The following KCNAB1 variants were observed in gnomAD, a reference collection of about 807,000 sequenced individuals.
KCNAB1 encodes the protein voltage-gated potassium channel subunit beta-1.
In KCNAB1, 35 loss-of-function variants were observed where a neutral mutation model predicts 64.6. The ratio of observed to expected loss-of-function variants is 0.54; its 90% CI spans 0.41 to 0.72. The LOEUF (loss-of-function observed/expected upper bound fraction) is 0.72, where lower values mean the gene tolerates loss of function less well. KCNAB1 is among the 30% of genes least tolerant of loss of function. The probability of loss-of-function intolerance (pLI) is 0.00; values close to 1 mark genes in which losing one functional copy is unlikely to be tolerated. For synonymous variants in KCNAB1, 177 were observed against 183.8 expected (o/e 0.96, Z 0.30); for missense variants, 401 against 512.9 (o/e 0.78, Z 2.11).
intron 1 of KCNAB1, among the ~76,000 whole-genome samples, chr3:156,303,477 A>G (rs193063637): frequency 2.7e-4 from 41 of 152,316 alleles, no homozygotes; most frequent in African/African-American, 9.6e-4. Flanking sequence ...ACAATGCTTG[A>G]GTAAGATGGA....
intron 1 of KCNAB1, among the ~76,000 whole-genome samples, chr3:156,388,256 T>C (rs570749339): frequency 6.6e-6 from 1 of 152,188 alleles, no homozygotes. Flanking sequence ...AAAAATTTGC[T>C]TCTGAAATAG....
intron 1 of KCNAB1, among the ~76,000 whole-genome samples, chr3:156,174,309 C>G (rs1229455273): frequency 6.6e-6 from 1 of 152,084 alleles, no homozygotes; most frequent in Non-Finnish European, 1.5e-5. Flanking sequence ...GTGGTTTGTT[C>G]TTGGGTAGGA....
At chr3:156,342,107 A>T (rs1050484697) in intron 1 of KCNAB1, among the ~76,000 whole-genome samples, 2 of 152,174 alleles carry the variant, frequency 1.3e-5, no homozygotes, top group Non-Finnish European at 2.9e-5. Context: ...GGAATGCCTG[A>T]TGCCTTCAAT....
chr3:156,450,425 T>A (rs547935673), intron 2 of KCNAB1, among the ~76,000 whole-genome samples: 36 of 152,338 alleles, frequency 2.4e-4, no homozygotes, highest in African/African-American at 8.7e-4. Flanking sequence ...CAGTGTGCTA[T>A]TCTCTATATC....
chr3:156,403,109 C>A (rs987980356), intron 1 of KCNAB1, among the ~76,000 whole-genome samples: 2 of 152,188 alleles, frequency 1.3e-5, no homozygotes, highest in Non-Finnish European at 2.9e-5. Context: ...TAAAATATTT[C>A]ATTCAAAGCT....
chr3:156,312,280 A>T (rs1721961823), intron 1 of KCNAB1, among the ~76,000 whole-genome samples: 1 of 152,200 alleles, frequency 6.6e-6, no homozygotes, highest in Admixed American at 6.5e-5. Flanking sequence ...TTAAGACAGA[A>T]ATCAGGGCTA....
chr3:156,364,651 G>T (rs1388491203), intron 1 of KCNAB1, among the ~76,000 whole-genome samples: 1 of 152,110 alleles, frequency 6.6e-6, no homozygotes, highest in Non-Finnish European at 1.5e-5. Context: ...GGTGGTGCAT[G>T]CCTGTAATCC....
At chr3:156,532,625 T>C (rs1049233874) in intron 13 of KCNAB1, among the ~76,000 whole-genome samples, 1 of 152,194 alleles carries the variant, frequency 6.6e-6, no homozygotes, top group Non-Finnish European at 1.5e-5. Flanking sequence ...ATAAATGGTA[T>C]AGATCCCTGC....
intron 1 of KCNAB1, among the ~76,000 whole-genome samples, chr3:156,123,573 G>A (rs1272953784): frequency 6.6e-6 from 1 of 152,234 alleles, no homozygotes; most frequent in Non-Finnish European, 1.5e-5. Flanking sequence ...TTTGTGGTAA[G>A]TAGTTCTGAC....
chr3:156,402,738 G>A (rs952587397), intron 1 of KCNAB1, among the ~76,000 whole-genome samples: 1 of 152,152 alleles, frequency 6.6e-6, no homozygotes, highest in African/African-American at 2.4e-5. Context: ...TAATATATGA[G>A]ACCAGCTTGT....
At chr3:156,171,154 C>T (rs1408419917) in intron 1 of KCNAB1, among the ~76,000 whole-genome samples, 1 of 150,022 alleles carries the variant, frequency 6.7e-6, no homozygotes, top group Non-Finnish European at 1.5e-5. Flanking sequence ...TTTCTGTCAA[C>T]TCTGAGCACC....
intron 1 of KCNAB1, among the ~76,000 whole-genome samples, chr3:156,168,292 C>T (rs914583830): frequency 2.0e-5 from 3 of 151,894 alleles, no homozygotes; most frequent in East Asian, 1.9e-4. Flanking sequence ...TCTATCAAAC[C>T]GAAGATACTA....
chr3:156,344,204 T>C (rs1233349051), intron 1 of KCNAB1, among the ~76,000 whole-genome samples: 7 of 152,188 alleles, frequency 4.6e-5, no homozygotes, highest in Non-Finnish European at 1.0e-4. Flanking sequence ...AAGGATCTAT[T>C]AGGATTATAA....
At chr3:156,384,161 G>A (rs1028914727) in intron 1 of KCNAB1, among the ~76,000 whole-genome samples, 12 of 152,292 alleles carry the variant, frequency 7.9e-5, no homozygotes, top group Admixed American at 3.3e-4. Flanking sequence ...CTGCCCTTTT[G>A]CTAAAAATGG....
chr3:156,384,942 G>A (rs115675993), intron 1 of KCNAB1, among the ~76,000 whole-genome samples: 2,020 of 152,238 alleles, frequency 0.013, 17 homozygotes, highest in South Asian at 0.032. Flanking sequence ...TTCTACTTCA[G>A]TACCTTTCCA....
intron 1 of KCNAB1, among the ~76,000 whole-genome samples, chr3:156,386,313 G>T (rs371287057): frequency 1.2e-4 from 18 of 152,176 alleles, no homozygotes; most frequent in African/African-American, 4.3e-4. Context: ...CATGCGCAGT[G>T]CCCTCCTTGC....
At chr3:156,291,707 T>G in intron 1 of KCNAB1, 1 of 1,426,222 alleles carries the variant, frequency 7.0e-7, no homozygotes, top group East Asian at 2.5e-5. Context: ...CCCCGGGGAC[T>G]CTTTCCTGCA....
chr3:156,515,839 G>A (rs1717523433), intron 10 of KCNAB1, among the ~76,000 whole-genome samples: 1 of 152,124 alleles, frequency 6.6e-6, no homozygotes, highest in Non-Finnish European at 1.5e-5. Flanking sequence ...GTTCATATGA[G>A]CAGGAAAATT....
At chr3:156,133,445 T>C (rs1159498955) in intron 1 of KCNAB1, among the ~76,000 whole-genome samples, 1 of 152,246 alleles carries the variant, frequency 6.6e-6, no homozygotes, top group Admixed American at 6.5e-5. Flanking sequence ...GGAAAAAATA[T>C]ACTTACATTT....
Sources: gnomAD v4.1 joint callset for allele counts (sites outside exome capture counted in the v4.1 genomes callset) on GRCh38, gnomAD v4.1.1 for gene constraint, MANE v1.5 for transcripts, NCBI Gene and HGNC (gene_info 2026-07-23, HGNC 2026-07-21) for gene names.